The following ANO10 variants were observed in gnomAD, a reference collection of about 807,000 sequenced individuals.
ANO10 encodes anoctamin 10, also known as anoctamin-10.
ANO10 carries 77 observed loss-of-function variants against 74.7 expected under a neutral mutation model. The observed-to-expected ratio is 1.03, with a 90% CI of 0.86 to 1.25. The LOEUF (loss-of-function observed/expected upper bound fraction) is 1.25, where lower values mean the gene tolerates loss of function less well. ANO10 is among the 50% of genes most tolerant of loss of function. The pLI is 0.00. For missense variants in ANO10, 721 were observed against 778.1 expected (o/e 0.93, Z 0.87); for synonymous variants, 279 against 284.9 (o/e 0.98, Z 0.21).
chr3:43,620,711 G>T (rs1057118215), intron 1 of ANO10, among the ~76,000 whole-genome samples: 1 of 152,204 alleles, frequency 6.6e-6, no homozygotes, highest in Admixed American at 6.5e-5. Context: ...GTTGCAGTGA[G>T]CAGACATTGT....
intron 11 of ANO10, among the ~76,000 whole-genome samples, chr3:43,511,360 T>G (rs2077501420): frequency 6.6e-6 from 1 of 152,182 alleles, no homozygotes; most frequent in Non-Finnish European, 1.5e-5. Context: ...AGAAAAACGT[T>G]TTAGCAATGT....
rs572431713 is a variant in ANO10, at chr3:43,615,802, T to C, written c.-12+6107A>G. Among the ~76,000 whole-genome samples, 66 of 152,078 alleles carry C rather than the reference T, an allele frequency of 4.3e-4. No homozygotes were observed. In the South Asian group the frequency reaches 6.8e-3, roughly 16 times the overall value. On this transcript the variant is annotated intron_variant, in intron 1 of 12. Coordinates refer to ENST00000292246, the MANE Select transcript of ANO10 (RefSeq NM_018075.5). Reference sequence around the variant, plus strand: ...CCGAGTAGCTGGGACTACAGGGGCATGCCACCACGCCCAGCTAAGTTTTTG... The same window carrying C: ...CCGAGTAGCTGGGACTACAGGGGCACGCCACCACGCCCAGCTAAGTTTTTG...
At chr3:43,389,543 TCAAA>T (rs2092219852) in intron 12 of ANO10, among the ~76,000 whole-genome samples, 1 of 152,172 alleles carries the variant, frequency 6.6e-6, no homozygotes, top group Non-Finnish European at 1.5e-5. Flanking sequence ...TTCAGAGAAG[TCAAA>T]CAAACAAGCT....
In ANO10 at chr3:43,543,380, CTTCTT is replaced by C. The variant is rs575644733; in HGVS notation, c.1797+6335_1797+6339del. On this transcript the variant is annotated intron_variant, in intron 11 of 12. Coordinates refer to ENST00000292246, the MANE Select transcript of ANO10 (RefSeq NM_018075.5). ...GTATTACAGATAAGACTCAATTCTG[CTTCTT>C]TTCTTTTCTTTTTTATTTTTTTGAG... Among the ~76,000 whole-genome samples, 419 of 152,176 alleles carry C rather than the reference CTTCTT, an allele frequency of 2.8e-3. 3 individuals are homozygous for C. The highest frequency in any genetic ancestry group is 9.4e-3 in the African/African-American group (392 of 41,560).
intron 11 of ANO10, among the ~76,000 whole-genome samples, chr3:43,454,336 A>G (rs143181086): frequency 6.6e-6 from 1 of 152,204 alleles, no homozygotes; most frequent in Non-Finnish European, 1.5e-5. Context: ...TTTTATTTTA[A>G]ATCAGATGGG....
intron 11 of ANO10, among the ~76,000 whole-genome samples, chr3:43,516,089 G>A (rs1037306898): frequency 6.6e-6 from 1 of 152,202 alleles, no homozygotes; most frequent in African/African-American, 2.4e-5. Context: ...CATGTGCTCA[G>A]TACTGTGACC....
chr3:43,593,812 T>G (rs570111563), intron 4 of ANO10, among the ~76,000 whole-genome samples: 5 of 152,154 alleles, frequency 3.3e-5, no homozygotes, highest in Admixed American at 6.5e-5. Flanking sequence ...AGACACAGAC[T>G]GGCAAATTGG....
chr3:43,636,983 TG>T (rs2083616955), intron 1 of ANO10, among the ~76,000 whole-genome samples: 1 of 151,860 alleles, frequency 6.6e-6, no homozygotes, highest in African/African-American at 2.4e-5. Flanking sequence ...GGCAAAATGA[TG>T]AGACTCTGTC....
At chr3:43,666,968 G>A (rs1442517493) in intron 1 of ANO10, among the ~76,000 whole-genome samples, 1 of 74,410 alleles carries the variant, frequency 1.3e-5, no homozygotes, top group Non-Finnish European at 2.5e-5. Flanking sequence ...ATCTACATGT[G>A]TAATTATATT....
intron 12 of ANO10, among the ~76,000 whole-genome samples, chr3:43,400,852 G>A (rs2092467749): frequency 6.6e-6 from 1 of 152,164 alleles, no homozygotes; most frequent in Non-Finnish European, 1.5e-5. Context: ...TGGGGCACAG[G>A]CACAGTGAGA....
At chr3:43,456,574 T>C (rs965410435) in intron 11 of ANO10, among the ~76,000 whole-genome samples, 11 of 152,168 alleles carry the variant, frequency 7.2e-5, no homozygotes, top group African/African-American at 1.7e-4. Flanking sequence ...CATAGCCACA[T>C]AGACAGATAT....
chr3:43,563,060 T>C (rs1289666233), intron 8 of ANO10, among the ~76,000 whole-genome samples: 1 of 152,196 alleles, frequency 6.6e-6, no homozygotes, highest in African/African-American at 2.4e-5. Context: ...ATCTGCAGAC[T>C]ACTCATCTGA....
At chr3:43,539,280 C>G (rs2078850232) in intron 11 of ANO10, among the ~76,000 whole-genome samples, 1 of 152,028 alleles carries the variant, frequency 6.6e-6, no homozygotes, top group Middle Eastern at 3.2e-3. Context: ...TTGCAAAGAA[C>G]AGGGGTTTCT....
At chr3:43,418,774 G>C (rs2092778708) in intron 12 of ANO10, among the ~76,000 whole-genome samples, 1 of 152,232 alleles carries the variant, frequency 6.6e-6, no homozygotes. Flanking sequence ...CTATAGTCAG[G>C]ATGTAGGCAG....
intron 11 of ANO10, among the ~76,000 whole-genome samples, chr3:43,500,924 C>T (rs1378489089): frequency 6.6e-6 from 1 of 152,056 alleles, no homozygotes; most frequent in Non-Finnish European, 1.5e-5. Context: ...GAAGGCAGAC[C>T]ATCTTATAAC....
intron 12 of ANO10, among the ~76,000 whole-genome samples, chr3:43,394,823 C>G (rs920067548): frequency 1.3e-4 from 20 of 152,184 alleles, no homozygotes; most frequent in Admixed American, 1.3e-3. Context: ...GGGCAAGGTC[C>G]TACCACTAAT....
chr3:43,505,189 ACT>A (rs1463530710), intron 11 of ANO10, among the ~76,000 whole-genome samples: 3 of 152,232 alleles, frequency 2.0e-5, no homozygotes, highest in Non-Finnish European at 4.4e-5. Context: ...TAAGTTCTAT[ACT>A]AAATAGCATG....
chr3:43,393,757 G>C (rs185471302), intron 12 of ANO10, among the ~76,000 whole-genome samples: 3 of 152,068 alleles, frequency 2.0e-5, no homozygotes, highest in Admixed American at 6.5e-5. Context: ...GGTGATGTTG[G>C]GAAGCAAGCA....
intron 12 of ANO10, among the ~76,000 whole-genome samples, chr3:43,411,011 G>A (rs564703232): frequency 3.7e-4 from 56 of 152,032 alleles, no homozygotes; most frequent in Non-Finnish European, 6.8e-4. Context: ...GAAAAGTTCC[G>A]TAATAGCAGA....
Sources: allele counts gnomAD v4.1 joint callset (sites outside exome capture counted in the v4.1 genomes callset), GRCh38; gene constraint gnomAD v4.1.1; transcripts MANE v1.5; gene names NCBI Gene and HGNC (gene_info 2026-07-23, HGNC 2026-07-21).